CC2D1B: variants seen among roughly 807,000 people sequenced by gnomAD.
CC2D1B encodes coiled-coil and C2 domain-containing protein 1B.
Under a neutral mutation model 110.8 loss-of-function variants are expected in CC2D1B, and 92 were observed. The ratio of observed to expected loss-of-function variants is 0.83; its 90% CI spans 0.70 to 0.99. CC2D1B has a LOEUF of 0.99. CC2D1B is among the 50% of genes least tolerant of loss of function. The pLI is 0.00. For synonymous variants in CC2D1B, 406 were observed against 429.2 expected, an observed-to-expected ratio of 0.95 and a Z score of 0.67; for missense variants, 1,136 against 1,089.0, an observed-to-expected ratio of 1.04 and a Z score of -0.61.
rs1646702301 is a variant in CC2D1B at position 52,358,441 on chromosome 1, G to C, written c.1351C>G (p.Leu451Val). 6.2e-7 allele frequency: 1 copy of C among 1,613,848 alleles called. No homozygotes were observed. Among genetic ancestry groups the C allele is most frequent in the African/African-American group, 1.3e-5 (1 of 74,918 alleles). The change falls in exon 13 of 25, where the codon CTG becomes GTG. Residue 451 changes from leucine (L) to valine (V), a missense_variant. Leu to Val is a conservative substitution (Grantham distance 32). Coordinates refer to ENST00000284376, the MANE Select transcript of CC2D1B (RefSeq NM_001330585.2). ...TCCTCAACACCCATAGTGGACTCCA[G>C]GCCAGGGATGGGGGGAAATCCTGTG... The part of the protein sequence containing the change: ...VPPGFPPIPG[L>V]ESTMGVEEDA...
intron 3 of CC2D1B, 21 bp from the exon 4 acceptor site, chr1:52,361,637 C>G: frequency 3.1e-6 from 5 of 1,613,446 alleles, no homozygotes; most frequent in Non-Finnish European, 4.2e-6. Flanking sequence ...AAGGTCACAA[C>G]AAGTCAGCAC....
chr1:52,360,438 C>G lies in CC2D1B; in HGVS notation c.589G>C (p.Glu197Gln), dbSNP rs750186040. The change falls in exon 6 of 25, where the codon GAG becomes CAG. Residue 197 changes from glutamate (E) to glutamine (Q), a missense_variant. By Grantham distance (29) the Glu-to-Gln change is conservative. Coordinates refer to ENST00000284376, the MANE Select transcript of CC2D1B (RefSeq NM_001330585.2). Reference sequence around the variant, plus strand: ...GCCCGACTCACCTTCAGGCCGCGCTCGCAGCGCCTGGCTTTGGCTGCTTCG... The same window carrying G: ...GCCCGACTCACCTTCAGGCCGCGCTGGCAGCGCCTGGCTTTGGCTGCTTCG... Reference protein sequence around the residue: ...AGEAAKARRCERGLKTLESQL... With the variant: ...AGEAAKARRCQRGLKTLESQL... 20 of 1,613,580 alleles carry G rather than the reference C, an allele frequency of 1.2e-5. No individual in the cohort carries two copies. Among genetic ancestry groups the G allele is most frequent in the Non-Finnish European group, 1.6e-5 (19 of 1,179,954 alleles).
Position 52,355,471 on chromosome 1 carries a change from G to C in CC2D1B, c.2188-22C>G, listed in dbSNP as rs554939521. On this transcript the variant is annotated intron_variant, in intron 20 of 24. Coordinates refer to ENST00000284376, the MANE Select transcript of CC2D1B (RefSeq NM_001330585.2). ...GGTCCTAAGCAGTGAGGAGGGAGAA[G>C]TCAGGACAGCGTATAAACAAAGAGG... 111 of 1,614,094 alleles carry C rather than the reference G, an allele frequency of 6.9e-5. 1 individual carries two copies. In the East Asian group the frequency reaches 2.5e-3, roughly 36 times the overall value.
Position 52,358,739 on chromosome 1 carries a change from C to G in CC2D1B, c.1277G>C (p.Arg426Pro), listed in dbSNP as rs564981624. ...GACTTTCCGTCCTGCTCGGTGTGCT[C>G]GAATAGCATCTTGATATTGCTGCAA... ...RIAKQYQDAIRAHRAGRKVNF... is the reference protein window; with the variant it reads ...RIAKQYQDAIPAHRAGRKVNF... The change falls in exon 12 of 25, where the codon CGA (arginine) becomes CCA (proline). Residue 426 changes from arginine to proline, a missense_variant. Physicochemically the swap from Arg to Pro is moderately radical, Grantham distance 103 (BLOSUM62 -2). Transcript: ENST00000284376. The G allele has an allele frequency of 4.3e-6, 7 of 1,611,538 alleles. No individual in the cohort carries two copies. The East Asian group carries it at 1.6e-4, about 36-fold the overall frequency.
Position 52,357,607 on chromosome 1 carries a change from G to T in CC2D1B, c.1671C>A (p.Ala557=). 1 of 1,589,910 alleles carries T rather than the reference G, an allele frequency of 6.3e-7. No homozygotes were observed. The highest frequency in any genetic ancestry group is 8.6e-7 in the Non-Finnish European group (1 of 1,167,318). ...QAKRSQDLEQ[A]KAYLRVAKWL... is the part of the protein sequence containing the mutation. ...ATTTGGCTACCCGCAGATAGGCTTTGGCCTGCTCCAGGTCCTGGCTGCGCT... is the reference window on the plus strand; with the variant it reads ...ATTTGGCTACCCGCAGATAGGCTTTTGCCTGCTCCAGGTCCTGGCTGCGCT... Residue 557 remains alanine (A), a synonymous_variant, in exon 15 of 25, where the codon GCC becomes GCA. Coordinates refer to ENST00000284376, the MANE Select transcript of CC2D1B (RefSeq NM_001330585.2).
Position 52,351,324 on chromosome 1 carries a change from G to A in CC2D1B, c.*1901C>T, listed in dbSNP as rs1646527610. On this transcript the variant is annotated 3_prime_UTR_variant, in exon 25 of 25. Coordinates refer to ENST00000284376, the MANE Select transcript of CC2D1B (RefSeq NM_001330585.2). Reference sequence around the variant, plus strand: ...AATAGGCCATTTCCAACAGAGGCCTGAATTTAGAAACTCCTAGAGCTGGCT... The same window carrying A: ...AATAGGCCATTTCCAACAGAGGCCTAAATTTAGAAACTCCTAGAGCTGGCT... The A allele has an allele frequency of 6.6e-6, 1 of 152,166 alleles. No individual in the cohort carries two copies. Among genetic ancestry groups the A allele is most frequent in the African/African-American group, 2.4e-5 (1 of 41,436 alleles). 9.4% of individuals were successfully genotyped at this position (152,166 alleles called of 1,614,324 possible).
In CC2D1B at chr1:52,356,416, G is replaced by A. The variant is rs752182903; in HGVS notation, c.1905C>T (p.Phe635=). 6.2e-6 allele frequency: 10 copies of A among 1,614,118 alleles called. No homozygotes were observed. The Admixed American group carries it at 1.3e-4, about 22-fold the overall frequency. Residue 635 remains phenylalanine, a synonymous_variant, in exon 17 of 25, where the codon TTC becomes TTT. Transcript: ENST00000284376. ...QEKCLLFSKQ[F]MHQGNVAETT... ...TCTCAGCCACGTTGCCCTGGTGCAT[G>A]AACTGCTTGGAGAACAGCAGGCACT...
intron 19 of CC2D1B, 25 bp downstream of exon 19, chr1:52,355,738 AGCCTCCTG>A: frequency 1.9e-6 from 3 of 1,613,644 alleles, no homozygotes; most frequent in Non-Finnish European, 2.5e-6. Flanking sequence ...TCCGGGCAAG[AGCCTCCTG>A]GAGTAGGGGC....
rs377553423 is a variant in CC2D1B, at chr1:52,357,589, T to C, written c.1689A>G (p.Val563=). The stretch of plus-strand genomic sequence containing the variant: ...TGATCTGAGCCTCAAGCCATTTGGC[T>C]ACCCGCAGATAGGCTTTGGCCTGCT... ...DLEQAKAYLR[V]AKWLEAQIIQ... The change falls in exon 15 of 25, where the codon GTA becomes GTG. Residue 563 remains valine (V), a synonymous_variant. Transcript: ENST00000284376. 2.3e-5 allele frequency: 37 copies of C among 1,585,828 alleles called. No individual in the cohort carries two copies. The Middle Eastern group carries it at 5.0e-4, about 21-fold the overall frequency.
rs1646520372 is a variant in CC2D1B, at chr1:52,350,739, T to G, written c.*2486A>C. On this transcript the variant is annotated 3_prime_UTR_variant, in exon 25 of 25. Transcript: ENST00000284376. ...AGGTGAGTCACTAATCTCCAATGTT[T>G]GGATACTGTATTTGTGTTTGTTTTG... The G allele has an allele frequency of 6.6e-6, 1 of 152,192 alleles. No individual in the cohort carries two copies. Among genetic ancestry groups the G allele is most frequent in the South Asian group, 2.1e-4 (1 of 4,826 alleles). 9.4% of individuals were successfully genotyped at this position (152,192 alleles called of 1,614,324 possible).
intron 3 of CC2D1B, among the ~76,000 whole-genome samples, chr1:52,362,243 G>T (rs938350483): frequency 9.2e-5 from 14 of 152,168 alleles, no homozygotes; most frequent in African/African-American, 3.4e-4. Flanking sequence ...TTCTCATCTG[G>T]GCTGTGGAGG....
rs765132573 is a variant in CC2D1B, at chr1:52,353,603, C to T, written c.2475G>A (p.Lys825=). 6.2e-6 allele frequency: 10 copies of T among 1,612,964 alleles called. No individual in the cohort carries two copies. The highest frequency in any genetic ancestry group is 1.7e-5 in the Admixed American group (1 of 59,826). The change falls in exon 24 of 25, where the codon AAG becomes AAA. Residue 825 remains lysine (K), a synonymous_variant. Coordinates refer to ENST00000284376, the MANE Select transcript of CC2D1B (RefSeq NM_001330585.2). ...RKPTGGKLEV[K]VRLREPLSGQ... is the part of the protein sequence containing the mutation. ...CACTCAGAGGCTCCCGCAGCCTCAC[C>T]TTCACCTCCAGCTTCCCCCCGGTGG...
intron 15 of CC2D1B, 34 bp downstream of exon 15, chr1:52,357,492 G>C (rs1193338119): frequency 8.7e-5 from 135 of 1,546,206 alleles, no homozygotes; most frequent in Non-Finnish European, 1.2e-4. Context: ...ACCTCCGCCT[G>C]AGAAGTCCTG....
At chr1:52,355,333 CTG>C (rs1569830543) in intron 21 of CC2D1B, 63 bp downstream of exon 21, 1 of 1,555,990 alleles carries the variant, frequency 6.4e-7, no homozygotes, top group East Asian at 2.3e-5. Flanking sequence ...GGAACCCACT[CTG>C]GAAACACCAG....
In CC2D1B at chr1:52,355,621, T is replaced by C. The variant is rs1169880587; in HGVS notation, c.2174A>G (p.His725Arg). ...CCTGAACCTCACCGAGTTAGGGTAGTGAAACTCAAACCGCACAAAAGCATC... is the reference window on the plus strand; with the variant it reads ...CCTGAACCTCACCGAGTTAGGGTAGCGAAACTCAAACCGCACAAAAGCATC... ...DLDAFVRFEF[H>R]YPNSDQAQKS... Residue 725 changes from histidine to arginine, a missense_variant, in exon 20 of 25, where the codon CAC (histidine) becomes CGC (arginine). Transcript: ENST00000284376. The C allele has an allele frequency of 1.2e-6, 2 of 1,614,058 alleles. No homozygotes were observed. Among genetic ancestry groups the C allele is most frequent in the East Asian group, 4.5e-5 (2 of 44,876 alleles).
At chr1:52,364,093 T>C (rs1406558766) in intron 2 of CC2D1B, among the ~76,000 whole-genome samples, 1 of 152,200 alleles carries the variant, frequency 6.6e-6, no homozygotes, top group African/African-American at 2.4e-5. Context: ...CCCCACCTCC[T>C]TTCTTACCTG....
In CC2D1B at chr1:52,352,813, C is replaced by G. The variant is rs1418642756; in HGVS notation, c.*412G>C. 6.3e-6 allele frequency: 1 copy of G among 159,046 alleles called. No homozygotes were observed. The highest frequency in any genetic ancestry group is 2.4e-5 in the African/African-American group (1 of 41,570). The allele number at this position is 159,046 out of a possible 1,614,324, so 9.9% of individuals were successfully genotyped here. The stretch of plus-strand genomic sequence containing the variant: ...GACACCACCCTCAGCAGGGGAGGTT[C>G]CCGATCACCCTCAAGTTCTCCCATC... On this transcript the variant is annotated 3_prime_UTR_variant, in exon 25 of 25. Coordinates refer to ENST00000284376, the MANE Select transcript of CC2D1B (RefSeq NM_001330585.2).
Position 52,360,506 on chromosome 1 carries a change from A to G in CC2D1B, c.521T>C (p.Ile174Thr), listed in dbSNP as rs1200141540. The G allele has an allele frequency of 6.2e-7, 1 of 1,613,996 alleles. No homozygotes were observed. Among genetic ancestry groups the G allele is most frequent in the Admixed American group, 1.7e-5 (1 of 60,022 alleles). ...GGCCGCAGCCTCTCGGTAGTTGTGA[A>G]TCCGTTCCTCCAGCAAAGCGTGTAG... The part of the protein sequence containing the change: ...QGLHALLEER[I>T]HNYREAAASA... The change falls in exon 6 of 25, where the codon ATT (isoleucine) becomes ACT (threonine). Residue 174 changes from isoleucine to threonine, a missense_variant. Coordinates refer to ENST00000284376, the MANE Select transcript of CC2D1B (RefSeq NM_001330585.2).
Position 52,358,472 on chromosome 1 carries a change from G to A in CC2D1B, c.1331-11C>T. On this transcript the variant is annotated splice_polypyrimidine_tract_variant and intron_variant, in intron 12 of 24. Transcript: ENST00000284376. ...GGATGGGGGGAAATCCTGTGGGAGAGAGACAGCATGGGAGGGGCAGGGAGC... is the reference window on the plus strand; with the variant it reads ...GGATGGGGGGAAATCCTGTGGGAGAAAGACAGCATGGGAGGGGCAGGGAGC... The A allele has an allele frequency of 1.2e-6, 2 of 1,613,176 alleles. No homozygotes were observed. Among genetic ancestry groups the A allele is most frequent in the South Asian group, 2.2e-5 (2 of 91,066 alleles).
Sources: allele counts gnomAD v4.1 joint callset (sites outside exome capture counted in the v4.1 genomes callset), GRCh38; gene constraint gnomAD v4.1.1; transcripts MANE v1.5; gene names NCBI Gene and HGNC (gene_info 2026-07-23, HGNC 2026-07-21).